The following ASIC5 variants were observed in gnomAD, a reference collection of about 807,000 sequenced individuals.
The protein encoded by ASIC5 is acid sensing ion channel subunit family member 5, also known as bile acid-sensitive ion channel.
A neutral mutation model predicts 51.2 loss-of-function variants in ASIC5; 52 were observed. That is an observed-to-expected ratio of 1.02 (90% CI 0.81 to 1.28). The LOEUF (loss-of-function observed/expected upper bound fraction) is 1.28. Ranked by LOEUF, ASIC5 falls within the 50% of genes most tolerant of loss-of-function variation. ASIC5 has a pLI of 0.00. For synonymous variants in ASIC5, 231 were observed against 200.7 expected, an observed-to-expected ratio of 1.15 and a Z score of -1.28; for missense variants, 635 against 595.0, an observed-to-expected ratio of 1.07 and a Z score of -0.70.
chr4:155,837,480 A>G (rs1741011844), intron 7 of ASIC5, among the ~76,000 whole-genome samples: 1 of 152,116 alleles, frequency 6.6e-6, no homozygotes, highest in Non-Finnish European at 1.5e-5. Flanking sequence ...GTTTGTCTCC[A>G]GCTTCCCTTT....
In ASIC5 at chr4:155,854,265, G is replaced by T. The variant is rs775410973; in HGVS notation, c.397C>A (p.His133Asn). ...AGATGGAGGACTTTGGATACAATGT[G>T]CCATAAGAAAAAAATAACACCAAAT... The part of the protein sequence containing the change: ...AKFGVIFFLW[H>N]IVSKVLHLQE... Residue 133 changes from histidine to asparagine, a missense_variant, in exon 3 of 10, where the codon CAC becomes AAC. His to Asn is a moderately conservative substitution (Grantham distance 68, BLOSUM62 1). Coordinates refer to ENST00000537611, the MANE Select transcript of ASIC5 (RefSeq NM_017419.3). The T allele has an allele frequency of 1.2e-6, 2 of 1,612,986 alleles. No individual in the cohort carries two copies. The highest frequency in any genetic ancestry group is 3.3e-5 in the Admixed American group (2 of 59,824).
intron 8 of ASIC5, among the ~76,000 whole-genome samples, chr4:155,832,410 T>A (rs1032943608): frequency 2.0e-5 from 3 of 152,194 alleles, no homozygotes; most frequent in Non-Finnish European, 4.4e-5. Context: ...GTTCGATGAA[T>A]ACTAATTATT....
intron 2 of ASIC5, among the ~76,000 whole-genome samples, chr4:155,861,512 T>G (rs528665897): frequency 1.3e-5 from 2 of 152,098 alleles, no homozygotes; most frequent in East Asian, 3.9e-4. Flanking sequence ...TTTCTGAAGG[T>G]TGACATACCT....
Position 155,836,814 on chromosome 4 carries a change from GT to G in ASIC5, c.1109del (p.Asn370ThrfsTer11). Reference sequence around the variant, plus strand: ...CTTCACAAGAAACGGGGCAGCTAGAGTTATGTGTTCCTACTGTACATAAATC... The same window carrying G: ...CTTCACAAGAAACGGGGCAGCTAGAGTATGTGTTCCTACTGTACATAAATC... ...FKDLCTVGTHNSSCPVSCEEI... is the reference protein window; with the variant it reads ...FKDLCTVGTHXSSCPVSCEEI... On this transcript the variant is annotated frameshift_variant, in exon 8 of 10. Coordinates refer to ENST00000537611, the MANE Select transcript of ASIC5 (RefSeq NM_017419.3). LOFTEE classifies it high-confidence loss of function. 7 of 1,610,196 alleles carry G rather than the reference GT, an allele frequency of 4.3e-6. No individual in the cohort carries two copies. Among genetic ancestry groups the G allele is most frequent in the Non-Finnish European group, 5.9e-6 (7 of 1,176,656 alleles).
At chr4:155,832,123 T>C (rs1354674146) in intron 8 of ASIC5, among the ~76,000 whole-genome samples, 1 of 152,266 alleles carries the variant, frequency 6.6e-6, no homozygotes, top group East Asian at 1.9e-4. Flanking sequence ...CCAATAATTT[T>C]CTGCACCTCA....
intron 2 of ASIC5, chr4:155,854,748 A>G: frequency 6.2e-6 from 1 of 161,664 alleles, no homozygotes; most frequent in Non-Finnish European, 1.3e-5. Context: ...GTGGTAGCTC[A>G]CCCACACTGC....
intron 3 of ASIC5, among the ~76,000 whole-genome samples, chr4:155,853,798 CTT>C (rs1256292586): frequency 6.6e-6 from 1 of 151,702 alleles, no homozygotes. Flanking sequence ...AAAATATCCT[CTT>C]GTGTTAAATT....
rs1741752838 is a variant in ASIC5 at position 155,862,982 on chromosome 4, A to G, written c.347+466T>C. ...TTTTATTTTGTTGTGCAATTACCAT[A>G]TTGCACTATGATTGTTGATGTTTCT... On this transcript the variant is annotated intron_variant, in intron 2 of 9. Transcript: ENST00000537611. Among the ~76,000 whole-genome samples the G allele has an allele frequency of 2.6e-5, 4 of 152,228 alleles. No homozygotes were observed. In the South Asian group the frequency reaches 8.3e-4, roughly 32 times the overall value.
intron 4 of ASIC5, among the ~76,000 whole-genome samples, chr4:155,848,958 C>G (rs181454888): frequency 1.6e-4 from 24 of 152,152 alleles, no homozygotes; most frequent in African/African-American, 5.8e-4. Flanking sequence ...ATACTTTATC[C>G]TGTCTGCCTG....
intron 2 of ASIC5, among the ~76,000 whole-genome samples, chr4:155,859,570 T>A: frequency 6.6e-6 from 1 of 152,062 alleles, no homozygotes; most frequent in South Asian, 2.1e-4. Context: ...AATTGGGATC[T>A]ATCAGCAGAC....
chr4:155,843,627 A>T, intron 5 of ASIC5, 54 bp downstream of exon 5: 1 of 1,576,582 alleles, frequency 6.3e-7, no homozygotes, highest in Non-Finnish European at 8.7e-7. Flanking sequence ...AGCATTACTT[A>T]TGTGTTTGAT....
intron 2 of ASIC5, among the ~76,000 whole-genome samples, chr4:155,860,463 T>C (rs962005945): frequency 5.3e-5 from 8 of 151,900 alleles, no homozygotes; most frequent in African/African-American, 1.9e-4. Flanking sequence ...TTGAGTACTT[T>C]TCCTGATCTG....
At position 155,863,515 on chromosome 4, in the gene ASIC5, T is replaced by C. The variant is rs147885015; in HGVS notation, c.280A>G (p.Thr94Ala). The C allele has an allele frequency of 2.9e-4, 473 of 1,613,604 alleles. 1 individual carries two copies. The highest frequency in any genetic ancestry group is 3.7e-4 in the Non-Finnish European group (439 of 1,179,844). The change falls in exon 2 of 10, where the codon ACG becomes GCG. Residue 94 changes from threonine to alanine, a missense_variant. Transcript: ENST00000537611. ...TCCACATATTGAACCTCAATGGACG[T>C]TGTGGTTGGCCATGTGAAGTAGTTG... ...LLNYFTWPTT[T>A]SIEVQYVEKM...
At chr4:155,864,052 G>A (rs1317725090) in intron 1 of ASIC5, among the ~76,000 whole-genome samples, 1 of 152,038 alleles carries the variant, frequency 6.6e-6, no homozygotes, top group African/African-American at 2.4e-5. Context: ...AACCAAGTTG[G>A]TTACAACAAT....
At chr4:155,840,605 G>A (rs1466920564) in intron 6 of ASIC5, among the ~76,000 whole-genome samples, 6 of 151,314 alleles carry the variant, frequency 4.0e-5, no homozygotes, top group Admixed American at 2.0e-4. Flanking sequence ...TTGGGCGTTC[G>A]CTGAACTAAC....
At chr4:155,834,560 G>A (rs1358928588) in intron 8 of ASIC5, among the ~76,000 whole-genome samples, 2 of 151,952 alleles carry the variant, frequency 1.3e-5, no homozygotes, top group Admixed American at 1.3e-4. Context: ...ACCATGTAAG[G>A]TCCCTACATG....
At chr4:155,842,493 AT>A in intron 5 of ASIC5, 139 bp from the exon 6 acceptor site, 1 of 712,106 alleles carries the variant, frequency 1.4e-6, no homozygotes, top group Non-Finnish European at 2.2e-6. Flanking sequence ...ACATTTGTCT[AT>A]TTTGCCTACT....
intron 7 of ASIC5, among the ~76,000 whole-genome samples, 183 bp from the exon 8 acceptor site, chr4:155,837,040 C>T (rs1026952731): frequency 6.6e-6 from 1 of 151,986 alleles, no homozygotes; most frequent in Non-Finnish European, 1.5e-5. Context: ...CAATATAAGG[C>T]CTGGAAGTTC....
At chr4:155,862,078 C>T (rs1335841301) in intron 2 of ASIC5, among the ~76,000 whole-genome samples, 1 of 152,036 alleles carries the variant, frequency 6.6e-6, no homozygotes, top group Non-Finnish European at 1.5e-5. Flanking sequence ...TATGGACTTC[C>T]TCACTTTGCC....
Sources: gnomAD v4.1 joint callset for allele counts (sites outside exome capture counted in the v4.1 genomes callset) on GRCh38, gnomAD v4.1.1 for gene constraint, MANE v1.5 for transcripts, NCBI Gene and HGNC (gene_info 2026-07-23, HGNC 2026-07-21) for gene names.